CRACDL: variants seen among roughly 807,000 people sequenced by gnomAD.
CRACDL encodes the protein CRACD-like protein.
A neutral mutation model predicts 70.6 loss-of-function variants in CRACDL; 26 were observed. The ratio of observed to expected loss-of-function variants is 0.37; its 90% CI spans 0.27 to 0.51. CRACDL has a LOEUF of 0.51. Ranked by LOEUF, CRACDL falls within the 20% of genes least tolerant of loss-of-function variation. The pLI, the probability that CRACDL is intolerant of heterozygous loss-of-function variation, is 0.94. For synonymous variants in CRACDL, 618 were observed against 615.2 expected, an observed-to-expected ratio of 1.00 and a Z score of -0.07; for missense variants, 1,283 against 1,376.9, an observed-to-expected ratio of 0.93 and a Z score of 1.08.
At chr2:98,893,964 A>G (rs1708049999) in intron 1 of CRACDL, among the ~76,000 whole-genome samples, 1 of 152,208 alleles carries the variant, frequency 6.6e-6, no homozygotes, top group Non-Finnish European at 1.5e-5. Flanking sequence ...GGGCGTGGGC[A>G]TCAGGCTGTG....
chr2:98,906,419 G>A (rs187116474), intron 1 of CRACDL, among the ~76,000 whole-genome samples: 3 of 152,044 alleles, frequency 2.0e-5, no homozygotes, highest in South Asian at 2.1e-4. Context: ...ATGCCACTAC[G>A]CCAGGCTAAT....
At chr2:98,794,987 C>T (rs1015014612) in intron 9 of CRACDL, among the ~76,000 whole-genome samples, 2 of 144,868 alleles carry the variant, frequency 1.4e-5, no homozygotes, top group East Asian at 2.0e-4. Flanking sequence ...GAACTGTGCA[C>T]TTAAAAATGG....
rs571731336 is a variant in CRACDL, at chr2:98,923,212, AG to A, written c.-11+12725del. Among the ~76,000 whole-genome samples the A allele has an allele frequency of 2.0e-3, 296 of 151,706 alleles. 4 individuals carry two copies. The highest frequency in any genetic ancestry group is 7.0e-3 in the African/African-American group (288 of 41,290). ...CTTGAACCCAGGAGGCGAAAGTTGC[AG>A]TGAGCCGAGATCATGACACTGCACT... On this transcript the variant is annotated intron_variant, in intron 1 of 9. Coordinates refer to ENST00000397899, the MANE Select transcript of CRACDL (RefSeq NM_207362.3).
intron 1 of CRACDL, among the ~76,000 whole-genome samples, chr2:98,890,863 C>T (rs1707947116): frequency 6.6e-6 from 1 of 151,854 alleles, no homozygotes; most frequent in Admixed American, 6.6e-5. Context: ...TCGAGACCAG[C>T]CTCGTCAACA....
intron 1 of CRACDL, among the ~76,000 whole-genome samples, chr2:98,899,360 C>T (rs1708207370): frequency 6.6e-6 from 1 of 152,206 alleles, no homozygotes; most frequent in South Asian, 2.1e-4. Flanking sequence ...CTCATAGGAC[C>T]TTGTAGTCAG....
At position 98,823,505 on chromosome 2, in the gene CRACDL, C is replaced by T; in HGVS notation, c.768G>A (p.Thr256=). The T allele has an allele frequency of 1.3e-6, 2 of 1,591,958 alleles. No individual in the cohort carries two copies. The highest frequency in any genetic ancestry group is 1.7e-6 in the Non-Finnish European group (2 of 1,176,746). ...RAQSESLSDL[T]CTPEEEENEE... The stretch of plus-strand genomic sequence containing the variant: ...CGTTTTCCTCCTCCTCTGGGGTGCA[C>T]GTCAGGTCGCTCAGGGATTCAGACT... Residue 256 remains threonine, a synonymous_variant, in exon 7 of 10, where the codon ACG becomes ACA. Coordinates refer to ENST00000397899, the MANE Select transcript of CRACDL (RefSeq NM_207362.3). The surrounding 1 kb of genome is among the most constrained non-coding windows in gnomAD (Gnocchi z 4.0).
chr2:98,833,104 A>C, intron 3 of CRACDL, 107 bp from the exon 4 acceptor site: 8 of 993,204 alleles, frequency 8.1e-6, no homozygotes, highest in South Asian at 3.5e-5. Context: ...ATCAAACAAC[A>C]CTCCCTCTGC....
chr2:98,846,833 G>A lies in CRACDL; in HGVS notation c.-10-23C>T, dbSNP rs768225728. On this transcript the variant is annotated intron_variant, in intron 1 of 9. Coordinates refer to ENST00000397899, the MANE Select transcript of CRACDL (RefSeq NM_207362.3). Reference sequence around the variant, plus strand: ...TCGCTGAAATTATATGGAAATTCACGTTAAAGAAACATGGTTAGCAGAAGT... The same window carrying A: ...TCGCTGAAATTATATGGAAATTCACATTAAAGAAACATGGTTAGCAGAAGT... 25 of 1,589,300 alleles carry A rather than the reference G, an allele frequency of 1.6e-5. No individual in the cohort carries two copies. In the Admixed American group the frequency reaches 1.7e-4, roughly 11 times the overall value.
intron 7 of CRACDL, among the ~76,000 whole-genome samples, chr2:98,811,489 G>A (rs1351638642): frequency 3.8e-5 from 5 of 132,282 alleles, no homozygotes; most frequent in Non-Finnish European, 7.7e-5. Flanking sequence ...CAGCACTCCA[G>A]CCTGGTGACA....
chr2:98,886,014 G>A lies in CRACDL; in HGVS notation c.-10-39204C>T, dbSNP rs145392504. Reference sequence around the variant, plus strand: ...TATTTGAGATAAACAGCCAAATCTCGGTAAAATTAGTGAGCTCTACAGCAT... The same window carrying A: ...TATTTGAGATAAACAGCCAAATCTCAGTAAAATTAGTGAGCTCTACAGCAT... On this transcript the variant is annotated intron_variant, in intron 1 of 9. Transcript: ENST00000397899. Among the ~76,000 whole-genome samples the A allele has an allele frequency of 6.2e-3, 945 of 152,102 alleles. 5 individuals carry two copies. Among genetic ancestry groups the A allele is most frequent in the Middle Eastern group, 0.017 (5 of 294 alleles).
chr2:98,834,356 G>A (rs1705678440), intron 3 of CRACDL, among the ~76,000 whole-genome samples: 1 of 152,200 alleles, frequency 6.6e-6, no homozygotes, highest in South Asian at 2.1e-4. Context: ...AATCAACCAT[G>A]AATGTCATAC....
intron 1 of CRACDL, among the ~76,000 whole-genome samples, chr2:98,848,946 T>G (rs1706370577): frequency 6.6e-6 from 1 of 152,210 alleles, no homozygotes; most frequent in Admixed American, 6.5e-5. Flanking sequence ...AGAGCAGATA[T>G]GGCGTCTACA....
At chr2:98,934,177 G>A (rs2104714675) in intron 1 of CRACDL, among the ~76,000 whole-genome samples, 1 of 147,322 alleles carries the variant, frequency 6.8e-6, no homozygotes, top group Admixed American at 6.9e-5. Flanking sequence ...GGTGCACTGA[G>A]ATTGGTCAAG....
chr2:98,795,071 A>ATTTTTTTTT (rs1391098955), intron 9 of CRACDL, among the ~76,000 whole-genome samples: 11 of 22,394 alleles, frequency 4.9e-4, no homozygotes, highest in African/African-American at 1.0e-3. Flanking sequence ...ATATATATAT[A>ATTTTTTTTT]TATATATTTT....
In CRACDL at chr2:98,823,358, G is replaced by A. The variant is rs1705176535; in HGVS notation, c.915C>T (p.Ala305=). The change falls in exon 7 of 10, where the codon GCC becomes GCT. Residue 305 remains alanine, a synonymous_variant. Coordinates refer to ENST00000397899, the MANE Select transcript of CRACDL (RefSeq NM_207362.3). The surrounding 1 kb of genome is among the most constrained non-coding windows in gnomAD (Gnocchi z 4.0). ...PPAPLPPPGG[A]RARRARLQHS... is the part of the protein sequence containing the mutation. ...GCTGCAGGCGGGCGCGTCTGGCACG[G>A]GCCCCTCCGGGTGGCGGCAAGGGCG... is the stretch of plus-strand genomic sequence containing the variant. 6 of 1,523,586 alleles carry A rather than the reference G, an allele frequency of 3.9e-6. No homozygotes were observed. In the East Asian group the frequency reaches 1.5e-4, roughly 37 times the overall value. 94.4% of individuals were successfully genotyped at this position (1,523,586 alleles called of 1,614,324 possible).
chr2:98,878,556 G>C (rs1345577811), intron 1 of CRACDL, among the ~76,000 whole-genome samples: 5 of 152,214 alleles, frequency 3.3e-5, no homozygotes, highest in African/African-American at 4.8e-5. Context: ...ACATGTTCCT[G>C]CTATTAAGTG....
At chr2:98,837,570 A>T (rs898301879) in intron 3 of CRACDL, among the ~76,000 whole-genome samples, 1 of 152,164 alleles carries the variant, frequency 6.6e-6, no homozygotes, top group Admixed American at 6.5e-5. Context: ...TTTTAATGAA[A>T]CACAAGTTAC....
At chr2:98,901,986 C>T (rs1018301906) in intron 1 of CRACDL, among the ~76,000 whole-genome samples, 9 of 152,014 alleles carry the variant, frequency 5.9e-5, no homozygotes, top group Admixed American at 1.3e-4. Flanking sequence ...GGACACCAAC[C>T]GAGAAAGCGG....
chr2:98,825,332 C>A (rs1361340502), intron 6 of CRACDL, among the ~76,000 whole-genome samples: 1 of 152,188 alleles, frequency 6.6e-6, no homozygotes, highest in Non-Finnish European at 1.5e-5. Flanking sequence ...CAAGGAAAGG[C>A]TGTTTACCTG....
Sources: allele counts gnomAD v4.1 joint callset (sites outside exome capture counted in the v4.1 genomes callset), GRCh38; gene constraint gnomAD v4.1.1; non-coding constraint Gnocchi (gnomAD v3.1); transcripts MANE v1.5; gene names NCBI Gene and HGNC (gene_info 2026-07-23, HGNC 2026-07-21).